Variants in DOT1L observed in about 807,000 individuals in gnomAD.
DOT1L encodes histone-lysine N-methyltransferase, H3 lysine-79 specific.
In DOT1L, 33 loss-of-function variants were observed where a neutral mutation model predicts 153.3. The ratio of observed to expected loss-of-function variants is 0.22; its 90% CI spans 0.16 to 0.29. The LOEUF is 0.29. Ranked by LOEUF, DOT1L falls within the 10% of genes least tolerant of loss-of-function variation. The pLI, the probability that DOT1L is intolerant of heterozygous loss-of-function variation, is 1.00. For synonymous variants in DOT1L, 1,135 were observed against 965.1 expected (o/e 1.18, Z -3.26); for missense variants, 1,847 against 2,119.9 (o/e 0.87, Z 2.53).
rs1012442383 is a variant in DOT1L, at chr19:2,191,608, C to T, written c.493+368C>T. Among the ~76,000 whole-genome samples the T allele has an allele frequency of 5.3e-5, 8 of 152,296 alleles. No individual in the cohort carries two copies. The highest frequency in any genetic ancestry group is 9.6e-5 in the African/African-American group (4 of 41,566). ...TGGGCCCCAGCCCGGGCCCCACCCA[C>T]GGCTGCAGCCTGCCGCAGTCCTTCC... On this transcript the variant is annotated intron_variant, in intron 5 of 27. Coordinates refer to ENST00000398665, the MANE Select transcript of DOT1L (RefSeq NM_032482.3). The surrounding 1 kb of genome is among the most constrained non-coding windows in gnomAD (Gnocchi z 6.8).
In DOT1L at chr19:2,210,669, C is replaced by A. The variant is rs750798700; in HGVS notation, c.1165C>A (p.Pro389Thr). Residue 389 changes from proline to threonine, a missense_variant, in exon 14 of 28, where the codon CCG becomes ACG. Around this residue, in one of 8 missense-constraint regions of DOT1L, gnomAD observed 205 missense variants for 203.1 expected, o/e 1.01. Coordinates refer to ENST00000398665, the MANE Select transcript of DOT1L (RefSeq NM_032482.3). ...GGCGGGAGCAGCCACCGTGAAGAAG[C>A]CGTCTCCCTCCAAAGCCCGCAAGAA... ...EKAGAATVKK[P>T]SPSKARKKKL... The A allele has an allele frequency of 3.3e-5, 53 of 1,612,990 alleles. No homozygotes were observed. The East Asian group carries it at 1.1e-3, about 35-fold the overall frequency.
At chr19:2,185,651 C>T (rs2144717729) in intron 2 of DOT1L, among the ~76,000 whole-genome samples, 1 of 152,244 alleles carries the variant, frequency 6.6e-6, no homozygotes, top group East Asian at 1.9e-4. Flanking sequence ...CACCTGTAGT[C>T]CCAGCTACTT....
chr19:2,226,190 CTTG>C lies in DOT1L; in HGVS notation c.3670_3672del (p.Leu1224del). The C allele has an allele frequency of 2.6e-6, 4 of 1,516,202 alleles. No individual in the cohort carries two copies. The highest frequency in any genetic ancestry group is 1.4e-5 in the African/African-American group (1 of 71,988). The allele number at this position is 1,516,202 out of a possible 1,614,324, so 93.9% of individuals were successfully genotyped here. On this transcript the variant is annotated inframe_deletion, in exon 27 of 28. Transcript: ENST00000398665. ...GCCTTTCCTCTTTGCCAGGTGGTGG[CTTG>C]GCGGGAAGGAAGCCCGCGCCCGCCG...
chr19:2,221,768 G>A (rs1435138875), intron 23 of DOT1L: 2 of 562,530 alleles, frequency 3.6e-6, no homozygotes, highest in Non-Finnish European at 6.2e-6. Flanking sequence ...ATGGGCGGGA[G>A]GAGGCACAGG....
intron 1 of DOT1L, among the ~76,000 whole-genome samples, chr19:2,172,511 T>TC (rs913086366): frequency 2.7e-5 from 4 of 150,368 alleles, no homozygotes; most frequent in African/African-American, 9.8e-5. Flanking sequence ...TTCTTTCTTT[T>TC]TTTTTTTTTG....
At position 2,193,639 on chromosome 19, in the gene DOT1L, G is replaced by T; in HGVS notation, c.494-50G>T. The T allele has an allele frequency of 1.3e-6, 2 of 1,582,606 alleles. No homozygotes were observed. Among genetic ancestry groups the T allele is most frequent in the South Asian group, 2.2e-5 (2 of 89,910 alleles). On this transcript the variant is annotated intron_variant, in intron 5 of 27. Coordinates refer to ENST00000398665, the MANE Select transcript of DOT1L (RefSeq NM_032482.3). This position sits in a 1 kb window ranked among gnomAD's most constrained non-coding sequence, Gnocchi z 5.9. ...GTCTCCGAGCCTAGCACGGCCTCCC[G>T]GGTGGCATCTGAGCGCTGTGTGGTA...
In DOT1L at chr19:2,211,126, T is replaced by C. The variant is rs1022075778; in HGVS notation, c.1379T>C (p.Phe460Ser). 1.2e-6 allele frequency: 2 copies of C among 1,613,160 alleles called. No individual in the cohort carries two copies. Among genetic ancestry groups the C allele is most frequent in the Non-Finnish European group, 1.7e-6 (2 of 1,179,800 alleles). ...QDAYRSPHSP[F>S]YQLPPSVQRH... ...GCCTACAGATCCCCTCACAGCCCGTTCTACCAGCTACCTCCGAGCGTGCAG... is the reference window on the plus strand; with the variant it reads ...GCCTACAGATCCCCTCACAGCCCGTCCTACCAGCTACCTCCGAGCGTGCAG... The change falls in exon 15 of 28, where the codon TTC becomes TCC. Residue 460 changes from phenylalanine to serine, a missense_variant. Physicochemically the swap from Phe to Ser is radical, Grantham distance 155. This residue lies in a region of DOT1L where 205 missense variants were observed against 203.1 expected (regional missense o/e 1.01). Transcript: ENST00000398665.
chr19:2,217,035 C>T lies in DOT1L; in HGVS notation c.2489C>T (p.Pro830Leu), dbSNP rs368118931. 2.1e-5 allele frequency: 34 copies of T among 1,612,558 alleles called. No individual in the cohort carries two copies. The highest frequency in any genetic ancestry group is 1.6e-4 in the Middle Eastern group (1 of 6,080). Residue 830 changes from proline (P) to leucine (L), a missense_variant, in exon 21 of 28, where the codon CCG (proline) becomes CTG (leucine). Coordinates refer to ENST00000398665, the MANE Select transcript of DOT1L (RefSeq NM_032482.3). The surrounding 1 kb of genome is among the most constrained non-coding windows in gnomAD (Gnocchi z 7.3). ...AGCATGAAGCTGAGCCCTCAGGACC[C>T]GCGGCCCCTGTCCCCTGGGGCCTTG... ...PGSMKLSPQD[P>L]RPLSPGALQL...
chr19:2,196,295 CT>C (rs2023017190), intron 7 of DOT1L, among the ~76,000 whole-genome samples: 1 of 152,192 alleles, frequency 6.6e-6, no homozygotes, highest in Non-Finnish European at 1.5e-5. Context: ...GCAGATGAAC[CT>C]TTTGGAGGAT....
rs2023580145 is a variant in DOT1L, at chr19:2,208,240, C to T, written c.963+560C>T. Among the ~76,000 whole-genome samples the T allele has an allele frequency of 6.6e-6, 1 of 152,200 alleles. No homozygotes were observed. Among genetic ancestry groups the T allele is most frequent in the Non-Finnish European group, 1.5e-5 (1 of 68,026 alleles). On this transcript the variant is annotated intron_variant, in intron 11 of 27. Coordinates refer to ENST00000398665, the MANE Select transcript of DOT1L (RefSeq NM_032482.3). The surrounding 1 kb of genome is among the most constrained non-coding windows in gnomAD (Gnocchi z 4.4). ...TCCTGGCATGTGGGCAGCGCCAGCC[C>T]TCCAGGGCTGGGAGGCTTCCCCTGG...
chr19:2,229,022 T>A, intron 27 of DOT1L: 1 of 985,446 alleles, frequency 1.0e-6, no homozygotes, highest in South Asian at 4.7e-5. Context: ...TGGACACGGC[T>A]GATGGCCACA....
rs2024595217 is a variant in DOT1L, at chr19:2,231,493, C to T, written c.*1701C>T. On this transcript the variant is annotated 3_prime_UTR_variant, in exon 28 of 28. Coordinates refer to ENST00000398665, the MANE Select transcript of DOT1L (RefSeq NM_032482.3). ...CCTGGTGAGGGGGGTGCTGCCTCCC[C>T]CAGCCCCCAACAACCTCTCAGACCC... is the stretch of plus-strand genomic sequence containing the variant. 1 of 206,810 alleles carries T rather than the reference C, an allele frequency of 4.8e-6. No homozygotes were observed. The highest frequency in any genetic ancestry group is 1.9e-4 in the South Asian group (1 of 5,314). 12.8% of individuals were successfully genotyped at this position (206,810 alleles called of 1,614,324 possible).
intron 1 of DOT1L, among the ~76,000 whole-genome samples, chr19:2,171,960 T>C (rs2021656663): frequency 6.6e-6 from 1 of 152,180 alleles, no homozygotes; most frequent in African/African-American, 2.4e-5. Flanking sequence ...CTCCACGTCC[T>C]TCCTGGTATC....
intron 27 of DOT1L, chr19:2,227,613 C>T (rs2024407042): frequency 9.2e-7 from 1 of 1,092,498 alleles, no homozygotes; most frequent in Non-Finnish European, 1.2e-6. Context: ...GCTGCTTGTG[C>T]TTGGTGCCCG....
intron 27 of DOT1L, chr19:2,229,258 T>A: frequency 1.0e-6 from 1 of 985,464 alleles, no homozygotes; most frequent in Non-Finnish European, 1.2e-6. Flanking sequence ...TGGCCACCCG[T>A]GCCCTCCAGG....
intron 16 of DOT1L, chr19:2,212,768 C>T (rs1437892439): frequency 1.3e-5 from 2 of 152,260 alleles, no homozygotes; most frequent in Non-Finnish European, 1.5e-5. Flanking sequence ...CAATTCAAGG[C>T]AGTTTGTCCT....
At position 2,216,705 on chromosome 19, in the gene DOT1L, G is replaced by T; in HGVS notation, c.2348G>T (p.Arg783Leu). Reference protein sequence around the residue: ...RLSPAKIVLRRHLSQDHTVPG... With the variant: ...RLSPAKIVLRLHLSQDHTVPG... Reference sequence around the variant, plus strand: ...TCCCCGGCCAAGATTGTGCTGAGGCGGCACCTGAGCCAGGACCACACGGTG... The same window carrying T: ...TCCCCGGCCAAGATTGTGCTGAGGCTGCACCTGAGCCAGGACCACACGGTG... Residue 783 changes from arginine (R) to leucine (L), a missense_variant, in exon 20 of 28, where the codon CGG (arginine) becomes CTG (leucine). Arg to Leu is a moderately radical substitution (Grantham distance 102). This residue lies in a region of DOT1L where 281 missense variants were observed against 263.6 expected (regional missense o/e 1.07). Coordinates refer to ENST00000398665, the MANE Select transcript of DOT1L (RefSeq NM_032482.3). 1 of 1,602,028 alleles carries T rather than the reference G, an allele frequency of 6.2e-7. No homozygotes were observed.
At chr19:2,224,774 C>T (rs1296839523) in intron 25 of DOT1L, among the ~76,000 whole-genome samples, 1 of 152,194 alleles carries the variant, frequency 6.6e-6, no homozygotes, top group Non-Finnish European at 1.5e-5. Context: ...TGGTGGTGTT[C>T]TGTGTTAGTT....
chr19:2,175,175 T>C (rs1270841495), intron 1 of DOT1L, among the ~76,000 whole-genome samples: 1 of 152,104 alleles, frequency 6.6e-6, no homozygotes, highest in Admixed American at 6.6e-5. Context: ...ATTTTTTATA[T>C]TTTTAGTAGA....
Sources: allele counts gnomAD v4.1 joint callset (sites outside exome capture counted in the v4.1 genomes callset), GRCh38; gene constraint gnomAD v4.1.1; regional missense constraint gnomAD v4.1.1; non-coding constraint Gnocchi (gnomAD v3.1); transcripts MANE v1.5; gene names NCBI Gene and HGNC (gene_info 2026-07-23, HGNC 2026-07-21).